The following HDAC3 variants were observed in gnomAD, a reference collection of about 807,000 sequenced individuals.
HDAC3 encodes SMAP45.
A neutral mutation model predicts 62.3 loss-of-function variants in HDAC3; 21 were observed. The ratio of observed to expected loss-of-function variants is 0.34; its 90% CI spans 0.24 to 0.49. The LOEUF (loss-of-function observed/expected upper bound fraction) is 0.49, where lower values mean the gene tolerates loss of function less well. Among genes scored for constraint, HDAC3 ranks in the 20% least tolerant of loss-of-function variants. HDAC3 has a pLI of 0.99. For missense variants in HDAC3, 270 were observed against 556.9 expected, an observed-to-expected ratio of 0.48 and a Z score of 5.19; for synonymous variants, 198 against 206.5, an observed-to-expected ratio of 0.96 and a Z score of 0.35.
chr5:141,623,378 C>A (rs534988798), intron 14 of HDAC3, among the ~76,000 whole-genome samples: 35 of 152,160 alleles, frequency 2.3e-4, no homozygotes, highest in African/African-American at 8.2e-4. Context: ...CAGTGGGTGG[C>A]CTGACAGAGA....
chr5:141,626,403 T>G lies in HDAC3; in HGVS notation c.831-120A>C. 8.1e-6 allele frequency: 6 copies of G among 739,274 alleles called. No homozygotes were observed. The highest frequency in any genetic ancestry group is 1.2e-5 in the Non-Finnish European group (5 of 428,138). 45.8% of individuals were successfully genotyped at this position (739,274 alleles called of 1,614,324 possible). A position where few individuals can be genotyped will look rare whatever the true frequency, so the allele number is the denominator to read the frequency against. Reference sequence around the variant, plus strand: ...TAAATGTTCTAAATCTTTATCTTGATAGTGAAATTCATTATGTTATACCCT... The same window carrying G: ...TAAATGTTCTAAATCTTTATCTTGAGAGTGAAATTCATTATGTTATACCCT... On this transcript the variant is annotated intron_variant, in intron 10 of 14. Transcript: ENST00000305264. The surrounding 1 kb of genome is among the most constrained non-coding windows in gnomAD (Gnocchi z 4.6).
chr5:141,631,181 G>C (rs759039988), intron 3 of HDAC3, among the ~76,000 whole-genome samples: 5 of 151,996 alleles, frequency 3.3e-5, no homozygotes, highest in Non-Finnish European at 7.4e-5. Flanking sequence ...CAGAACTGTA[G>C]GGGTTTTTTG....
chr5:141,636,496 C>T (rs2099906028), intron 2 of HDAC3, 52 bp downstream of exon 2: 3 of 1,536,868 alleles, frequency 2.0e-6, no homozygotes, highest in African/African-American at 1.4e-5. Context: ...CCTATCCCTA[C>T]GGCCACAGCT....
chr5:141,630,228 C>T (rs984123290), intron 3 of HDAC3, 103 bp from the exon 4 acceptor site: 7 of 1,075,318 alleles, frequency 6.5e-6, no homozygotes, highest in Non-Finnish European at 1.0e-5. Context: ...TTTTCAAGAA[C>T]CTTCTCTCCC....
At chr5:141,622,887 G>A (rs570691672) in intron 14 of HDAC3, among the ~76,000 whole-genome samples, 1 of 152,112 alleles carries the variant, frequency 6.6e-6, no homozygotes, top group African/African-American at 2.4e-5. Flanking sequence ...TTGGGAGGCC[G>A]AGGCAGGCAG....
rs1444588442 is a variant in HDAC3, at chr5:141,626,606, C to T, written c.831-323G>A. 2 of 335,474 alleles carry T rather than the reference C, an allele frequency of 6.0e-6. No homozygotes were observed. The highest frequency in any genetic ancestry group is 1.2e-5 in the Non-Finnish European group (2 of 173,716). The allele number at this position is 335,474 out of a possible 1,614,324, so 20.8% of individuals were successfully genotyped here. A position where few individuals can be genotyped will look rare whatever the true frequency, so the allele number is the denominator to read the frequency against. On this transcript the variant is annotated intron_variant, in intron 10 of 14. Transcript: ENST00000305264. The surrounding 1 kb of genome is among the most constrained non-coding windows in gnomAD (Gnocchi z 4.6). ...AATATAACTCACGCCCGGCGCGGTG[C>T]TCACGCCTTTGTAGTAGTCCCAGCT...
Position 141,621,195 on chromosome 5 carries a change from G to A in HDAC3, c.*273C>T. ...AGGGAAGAAATAAGGGGCAAGGGGG[G>A]CTAGGGACTGGCCTCCAGGGCCCAC... On this transcript the variant is annotated 3_prime_UTR_variant, in exon 15 of 15. Coordinates refer to ENST00000305264, the MANE Select transcript of HDAC3 (RefSeq NM_003883.4). The A allele has an allele frequency of 2.4e-6, 1 of 408,868 alleles. No individual in the cohort carries two copies. The highest frequency in any genetic ancestry group is 4.4e-6 in the Non-Finnish European group (1 of 226,028). The allele number at this position is 408,868 out of a possible 1,614,324, so 25.3% of individuals were successfully genotyped here. A position where few individuals can be genotyped will look rare whatever the true frequency, so the allele number is the denominator to read the frequency against.
At chr5:141,632,038 T>C (rs959149914) in intron 3 of HDAC3, among the ~76,000 whole-genome samples, 4 of 151,496 alleles carry the variant, frequency 2.6e-5, no homozygotes, top group Non-Finnish European at 4.4e-5. Flanking sequence ...TTTTTTTTTT[T>C]TTTAAGACAG....
chr5:141,628,721 G>T lies in HDAC3; in HGVS notation c.611-82C>A. 1.0e-6 allele frequency: 1 copy of T among 978,990 alleles called. No individual in the cohort carries two copies. The highest frequency in any genetic ancestry group is 1.6e-6 in the Non-Finnish European group (1 of 620,858). The allele number at this position is 978,990 out of a possible 1,614,324, so 60.6% of individuals were successfully genotyped here. On this transcript the variant is annotated intron_variant, in intron 7 of 14. Coordinates refer to ENST00000305264, the MANE Select transcript of HDAC3 (RefSeq NM_003883.4). The surrounding 1 kb of genome is among the most constrained non-coding windows in gnomAD (Gnocchi z 4.7). ...TTCAGCCCCAATCTGCACTCTGGGA[G>T]CCTCTCATTCCATCTATGTAGCTTC... is the stretch of plus-strand genomic sequence containing the variant.
intron 3 of HDAC3, among the ~76,000 whole-genome samples, chr5:141,634,007 T>C (rs2099905617): frequency 2.0e-5 from 3 of 152,190 alleles, no homozygotes. Flanking sequence ...TGGTTACTAT[T>C]TTTTCATGGA....
Position 141,625,386 on chromosome 5 carries a change from C to G in HDAC3, c.1060-21G>C. The G allele has an allele frequency of 6.2e-7, 1 of 1,612,930 alleles. No homozygotes were observed. The highest frequency in any genetic ancestry group is 8.5e-7 in the Non-Finnish European group (1 of 1,179,434). On this transcript the variant is annotated intron_variant, in intron 13 of 14. Coordinates refer to ENST00000305264, the MANE Select transcript of HDAC3 (RefSeq NM_003883.4). This position sits in a 1 kb window ranked among gnomAD's most constrained non-coding sequence, Gnocchi z 4.0. ...AGATACTGGTTGGAAATGAGGAATA[C>G]AGAGTGAGCAGTTTCCAGAGATTCC... is the stretch of plus-strand genomic sequence containing the variant.
chr5:141,632,948 A>G (rs1212228404), intron 3 of HDAC3, among the ~76,000 whole-genome samples: 7 of 152,206 alleles, frequency 4.6e-5, no homozygotes, highest in African/African-American at 2.4e-5. Context: ...TAGTGGTTTA[A>G]AAACCCGGGA....
chr5:141,636,367 C>T lies in HDAC3; in HGVS notation c.138+181G>A, dbSNP rs746658325. On this transcript the variant is annotated intron_variant, in intron 2 of 14. Coordinates refer to ENST00000305264, the MANE Select transcript of HDAC3 (RefSeq NM_003883.4). The stretch of plus-strand genomic sequence containing the variant: ...CCGACCTGAGGTGAGAAAGTACTTT[C>T]CATTAAGCAGAGGACGCCACCCCCA... The T allele has an allele frequency of 3.1e-4, 195 of 631,806 alleles. 1 individual carries two copies. Among genetic ancestry groups the T allele is most frequent in the Non-Finnish European group, 4.7e-4 (162 of 344,934 alleles). The allele number at this position is 631,806 out of a possible 1,614,324, so 39.1% of individuals were successfully genotyped here.
chr5:141,625,433 T>G lies in HDAC3; in HGVS notation c.1060-68A>C. ...TTCCCAGGACATGGAATCTCCTAGCTGCCTTTTACCCCTACCATACTGGTT... is the reference window on the plus strand; with the variant it reads ...TTCCCAGGACATGGAATCTCCTAGCGGCCTTTTACCCCTACCATACTGGTT... On this transcript the variant is annotated intron_variant, in intron 13 of 14. Transcript: ENST00000305264. The surrounding 1 kb of genome is among the most constrained non-coding windows in gnomAD (Gnocchi z 4.0). The G allele has an allele frequency of 2.6e-6, 4 of 1,553,766 alleles. No individual in the cohort carries two copies. The highest frequency in any genetic ancestry group is 3.5e-6 in the Non-Finnish European group (4 of 1,127,576).
At chr5:141,634,257 GCTTTTAAAAGGTCCTATTT>G (rs2099905657) in intron 3 of HDAC3, among the ~76,000 whole-genome samples, 3 of 152,026 alleles carry the variant, frequency 2.0e-5, no homozygotes, top group African/African-American at 7.3e-5. Flanking sequence ...AGAGCTGTTT[GCTTTTAAAAGGTCCTATTT>G]CTTTAGCCTC....
At position 141,626,561 on chromosome 5, in the gene HDAC3, C is replaced by G; in HGVS notation, c.831-278G>C. The stretch of plus-strand genomic sequence containing the variant: ...TCAACTATTCTCATCAACCCAAGTT[C>G]TGTCAATTCTAGCCTTGAAAATATA... On this transcript the variant is annotated intron_variant, in intron 10 of 14. Coordinates refer to ENST00000305264, the MANE Select transcript of HDAC3 (RefSeq NM_003883.4). This position sits in a 1 kb window ranked among gnomAD's most constrained non-coding sequence, Gnocchi z 4.6. 1 of 417,772 alleles carries G rather than the reference C, an allele frequency of 2.4e-6. No individual in the cohort carries two copies. The highest frequency in any genetic ancestry group is 4.5e-6 in the Non-Finnish European group (1 of 224,528). 25.9% of individuals were successfully genotyped at this position (417,772 alleles called of 1,614,324 possible).
At position 141,626,883 on chromosome 5, in the gene HDAC3, C is replaced by T. The variant is rs1219305216; in HGVS notation, c.831-600G>A. On this transcript the variant is annotated intron_variant, in intron 10 of 14. Coordinates refer to ENST00000305264, the MANE Select transcript of HDAC3 (RefSeq NM_003883.4). The surrounding 1 kb of genome is among the most constrained non-coding windows in gnomAD (Gnocchi z 4.6). ...CACCTTAGTCTGGGCACCTAACCAA[C>T]ACCATGGCTTCCTAACTGGTCTTTC... Among the ~76,000 whole-genome samples the T allele has an allele frequency of 6.6e-6, 1 of 151,786 alleles. No individual in the cohort carries two copies. The highest frequency in any genetic ancestry group is 1.5e-5 in the Non-Finnish European group (1 of 67,934).
chr5:141,625,893 G>C lies in HDAC3; in HGVS notation c.979+120C>G. The C allele has an allele frequency of 7.8e-7, 1 of 1,287,044 alleles. No homozygotes were observed. Among genetic ancestry groups the C allele is most frequent in the South Asian group, 1.2e-5 (1 of 84,324 alleles). The allele number at this position is 1,287,044 out of a possible 1,614,324, so 79.7% of individuals were successfully genotyped here. A position where few individuals can be genotyped will look rare whatever the true frequency, so the allele number is the denominator to read the frequency against. Reference sequence around the variant, plus strand: ...CAATCTCTTCCCTGCTCTGAGCCCAGGGGTTTAGTCTGCAGAGCTCTGAGA... The same window carrying C: ...CAATCTCTTCCCTGCTCTGAGCCCACGGGTTTAGTCTGCAGAGCTCTGAGA... On this transcript the variant is annotated intron_variant, in intron 12 of 14. Coordinates refer to ENST00000305264, the MANE Select transcript of HDAC3 (RefSeq NM_003883.4). The surrounding 1 kb of genome is among the most constrained non-coding windows in gnomAD (Gnocchi z 4.0).
chr5:141,635,715 T>C (rs2099905870), intron 2 of HDAC3, among the ~76,000 whole-genome samples: 1 of 152,242 alleles, frequency 6.6e-6, no homozygotes, highest in Non-Finnish European at 1.5e-5. Flanking sequence ...AGCCATCCTC[T>C]CGCCTCGGCC....
Sources: gnomAD v4.1 joint callset for allele counts (sites outside exome capture counted in the v4.1 genomes callset) on GRCh38, gnomAD v4.1.1 for gene constraint, Gnocchi (gnomAD v3.1) non-coding constraint, MANE v1.5 for transcripts, NCBI Gene and HGNC (gene_info 2026-07-23, HGNC 2026-07-21) for gene names.